The following POGK variants were observed in gnomAD, a reference collection of about 807,000 sequenced individuals.
POGK encodes the protein pogo transposable element with KRAB domain.
POGK carries 16 observed loss-of-function variants against 54.4 expected under a neutral mutation model. The observed-to-expected ratio is 0.29, with a 90% CI of 0.20 to 0.45. The LOEUF (loss-of-function observed/expected upper bound fraction) is 0.45, where lower values mean the gene tolerates loss of function less well. Ranked by LOEUF, POGK falls within the 20% of genes least tolerant of loss-of-function variation. The pLI, the probability that POGK is intolerant of heterozygous loss-of-function variation, is 1.00. For synonymous variants in POGK, 271 were observed against 302.2 expected, an observed-to-expected ratio of 0.90 and a Z score of 1.07; for missense variants, 515 against 795.6, an observed-to-expected ratio of 0.65 and a Z score of 4.24.
intron 5 of POGK, 138 bp downstream of exon 5, chr1:166,850,561 C>T: frequency 1.1e-6 from 1 of 913,620 alleles, no homozygotes; most frequent in South Asian, 1.8e-5. Flanking sequence ...GTCCCCAACC[C>T]CCAGGTCACG....
intron 5 of POGK, 161 bp downstream of exon 5, chr1:166,850,584 C>T (rs1052193681): frequency 1.5e-5 from 11 of 737,430 alleles, no homozygotes; most frequent in Non-Finnish European, 2.3e-5. Context: ...CCATACTGGT[C>T]CATGGCCTGT....
At chr1:166,846,168 C>T (rs567035025) in intron 2 of POGK, among the ~76,000 whole-genome samples, 155 of 152,190 alleles carry the variant, frequency 1.0e-3, no homozygotes, top group African/African-American at 3.5e-3. Context: ...TCACCCCGCC[C>T]GGGGCCGAGG....
chr1:166,846,041 G>C (rs1657831118), intron 2 of POGK, among the ~76,000 whole-genome samples: 2 of 152,154 alleles, frequency 1.3e-5, no homozygotes, highest in Admixed American at 1.3e-4. Context: ...CTCCTCCCTG[G>C]GCAGCTGTGG....
intron 2 of POGK, among the ~76,000 whole-genome samples, chr1:166,845,416 A>T (rs149912830): frequency 1.3e-5 from 2 of 152,014 alleles, no homozygotes; most frequent in East Asian, 3.9e-4. Flanking sequence ...GCAGGGAATA[A>T]ATGAAGCAGT....
At chr1:166,852,259 A>T (rs1658100621) in intron 5 of POGK, 1 of 152,188 alleles carries the variant, frequency 6.6e-6, no homozygotes, top group East Asian at 1.9e-4. Context: ...TAATTTCCTA[A>T]GCTCCTTACC....
In POGK at chr1:166,853,051, C is replaced by T. The variant is rs1311931627; in HGVS notation, c.*481C>T. ...ATGCTTCCAAAAGTAGACCCTGTCC[C>T]CACACAGGTCAAGACTACAGAGAAG... is the stretch of plus-strand genomic sequence containing the variant. On this transcript the variant is annotated 3_prime_UTR_variant, in exon 6 of 6. Coordinates refer to ENST00000367876, the MANE Select transcript of POGK (RefSeq NM_017542.5). 3.9e-5 allele frequency: 6 copies of T among 152,226 alleles called. No individual in the cohort carries two copies. Among genetic ancestry groups the T allele is most frequent in the Admixed American group, 6.5e-5 (1 of 15,276 alleles). The allele number at this position is 152,226 out of a possible 1,614,324, so 9.4% of individuals were successfully genotyped here.
intron 2 of POGK, among the ~76,000 whole-genome samples, chr1:166,843,233 A>G (rs1657612012): frequency 6.6e-6 from 1 of 152,210 alleles, no homozygotes; most frequent in Non-Finnish European, 1.5e-5. Context: ...CAGCTCCTGC[A>G]GCTGGAACCT....
At chr1:166,850,496 AT>A in intron 5 of POGK, 73 bp downstream of exon 5, 8 of 1,466,970 alleles carry the variant, frequency 5.5e-6, no homozygotes, top group Non-Finnish European at 5.4e-6. Flanking sequence ...TCTCTCCATT[AT>A]TTTTCTGTTT....
chr1:166,849,111 G>C lies in POGK; in HGVS notation c.532G>C (p.Gly178Arg), dbSNP rs1477971491. 2.5e-6 allele frequency: 4 copies of C among 1,614,176 alleles called. No individual in the cohort carries two copies. Among genetic ancestry groups the C allele is most frequent in the Non-Finnish European group, 3.4e-6 (4 of 1,180,032 alleles). Residue 178 changes from glycine to arginine, a missense_variant, in exon 5 of 6, where the codon GGG (glycine) becomes CGG (arginine). By Grantham distance (125) the Gly-to-Arg change is moderately radical. Transcript: ENST00000367876. ...CTTCTACATGGCCATGGGCTTCCCAGGGTATGACCTCTCGGCTGATGACAT... is the reference window on the plus strand; with the variant it reads ...CTTCTACATGGCCATGGGCTTCCCACGGTATGACCTCTCGGCTGATGACAT... The part of the protein sequence containing the change: ...YPFYMAMGFP[G>R]YDLSADDIAG...
chr1:166,850,546 CA>C (rs1196298096), intron 5 of POGK, 123 bp downstream of exon 5: 3 of 1,159,016 alleles, frequency 2.6e-6, no homozygotes, highest in African/African-American at 1.6e-5. Flanking sequence ...TAGTGTAGAT[CA>C]GGGGTCCCCA....
chr1:166,847,466 T>C, intron 3 of POGK, 28 bp from the exon 4 acceptor site: 1 of 1,566,288 alleles, frequency 6.4e-7, no homozygotes, highest in Non-Finnish European at 8.8e-7. Flanking sequence ...AACACACAGC[T>C]GTTACCTATT....
In POGK at chr1:166,846,574, C is replaced by A. The variant is rs971476963; in HGVS notation, c.133-38C>A. Reference sequence around the variant, plus strand: ...CGCTCTGAAAGTCTGTCTGCATATGCCTGTTTGTCATTGTGAAAGGGCTGT... The same window carrying A: ...CGCTCTGAAAGTCTGTCTGCATATGACTGTTTGTCATTGTGAAAGGGCTGT... On this transcript the variant is annotated intron_variant, in intron 2 of 5. Transcript: ENST00000367876. 1.9e-6 allele frequency: 3 copies of A among 1,612,958 alleles called. No individual in the cohort carries two copies. In the Admixed American group the frequency reaches 5.0e-5, roughly 27 times the overall value.
At chr1:166,845,470 G>A (rs1221674836) in intron 2 of POGK, among the ~76,000 whole-genome samples, 1 of 152,154 alleles carries the variant, frequency 6.6e-6, no homozygotes, top group Non-Finnish European at 1.5e-5. Flanking sequence ...ATGAGGTGCT[G>A]TGGAGGTGGG....
At chr1:166,850,584 C>A in intron 5 of POGK, 161 bp downstream of exon 5, 1 of 737,548 alleles carries the variant, frequency 1.4e-6, no homozygotes, top group Non-Finnish European at 2.1e-6. Flanking sequence ...CCATACTGGT[C>A]CATGGCCTGT....
In POGK at chr1:166,855,904, T is replaced by TATC. The variant is rs1179082969; in HGVS notation, c.*3336_*3338dup. Reference sequence around the variant, plus strand: ...TCCAAACCAAAAAACTATATTCGAGTATCAGTTTAAATTCTTCCAAGCCCT... The same window carrying TATC: ...TCCAAACCAAAAAACTATATTCGAGTATCATCAGTTTAAATTCTTCCAAGCCCT... On this transcript the variant is annotated 3_prime_UTR_variant, in exon 6 of 6. Coordinates refer to ENST00000367876, the MANE Select transcript of POGK (RefSeq NM_017542.5). 2 of 152,182 alleles carry TATC rather than the reference T, an allele frequency of 1.3e-5. No homozygotes were observed. The highest frequency in any genetic ancestry group is 2.9e-5 in the Non-Finnish European group (2 of 68,036). 9.4% of individuals were successfully genotyped at this position (152,182 alleles called of 1,614,324 possible). A position where few individuals can be genotyped will look rare whatever the true frequency, so the allele number is the denominator to read the frequency against.
At chr1:166,841,270 T>C (rs1263230623) in intron 2 of POGK, among the ~76,000 whole-genome samples, 182 bp downstream of exon 2, 3 of 152,210 alleles carry the variant, frequency 2.0e-5, no homozygotes, top group African/African-American at 7.2e-5. Context: ...GGAGGTGTTA[T>C]GGAAACAGTC....
intron 3 of POGK, among the ~76,000 whole-genome samples, chr1:166,847,032 C>T (rs539181522): frequency 6.6e-6 from 1 of 152,326 alleles, no homozygotes; most frequent in East Asian, 1.9e-4. Flanking sequence ...CTGTGCCTCA[C>T]TGTTCCTTAC....
intron 2 of POGK, among the ~76,000 whole-genome samples, chr1:166,842,567 A>T (rs1253131014): frequency 6.6e-6 from 1 of 152,240 alleles, no homozygotes; most frequent in Non-Finnish European, 1.5e-5. Context: ...AGCCAAGATG[A>T]GGGGATGCCT....
In POGK at chr1:166,849,839, A is replaced by G. The variant is rs776915912; in HGVS notation, c.1260A>G (p.Thr420=). The change falls in exon 5 of 6, where the codon ACA becomes ACG. Residue 420 remains threonine (T), a synonymous_variant. Transcript: ENST00000367876. ...KLPPYIILRG[T]YIPPGKFPSG... ...CACCGTACATCATTTTGAGGGGAAC[A>G]TATATCCCCCCGGGGAAGTTTCCCA... is the stretch of plus-strand genomic sequence containing the variant. 45 of 1,614,142 alleles carry G rather than the reference A, an allele frequency of 2.8e-5. No individual in the cohort carries two copies. The highest frequency in any genetic ancestry group is 6.7e-5 in the Admixed American group (4 of 60,008).
Sources: gnomAD v4.1 joint callset for allele counts (sites outside exome capture counted in the v4.1 genomes callset) on GRCh38, gnomAD v4.1.1 for gene constraint, MANE v1.5 for transcripts, NCBI Gene and HGNC (gene_info 2026-07-23, HGNC 2026-07-21) for gene names.